SLC9C2: variants seen among roughly 807,000 people sequenced by gnomAD.
SLC9C2 encodes sodium/hydrogen exchanger 11.
Under a neutral mutation model 140.2 loss-of-function variants are expected in SLC9C2, and 75 were observed. That is an observed-to-expected ratio of 0.53 (90% CI 0.44 to 0.65). The LOEUF (loss-of-function observed/expected upper bound fraction) is 0.65. Among genes scored for constraint, SLC9C2 ranks in the 30% least tolerant of loss-of-function variants. The pLI is 0.00. For synonymous variants in SLC9C2, 375 were observed against 420.9 expected, an observed-to-expected ratio of 0.89 and a Z score of 1.34; for missense variants, 1,074 against 1,331.8, an observed-to-expected ratio of 0.81 and a Z score of 3.01.
At chr1:173,591,731 G>A (rs1301618654) in intron 4 of SLC9C2, among the ~76,000 whole-genome samples, 1 of 151,848 alleles carries the variant, frequency 6.6e-6, no homozygotes. Flanking sequence ...TTGTTTTCTT[G>A]TAAATTTGTC....
At chr1:173,567,539 A>G (rs1664553230) in intron 9 of SLC9C2, among the ~76,000 whole-genome samples, 1 of 151,922 alleles carries the variant, frequency 6.6e-6, no homozygotes, top group South Asian at 2.1e-4. Flanking sequence ...TTGTCAGTCT[A>G]TATGTATCTT....
intron 10 of SLC9C2, among the ~76,000 whole-genome samples, 165 bp from the exon 11 acceptor site, chr1:173,554,979 C>T (rs1379600784): frequency 7.2e-5 from 11 of 152,232 alleles, no homozygotes; most frequent in Admixed American, 2.0e-4. Flanking sequence ...GTTTTGTGGA[C>T]ATTGCCTGAA....
At position 173,534,721 on chromosome 1, in the gene SLC9C2, G is replaced by C. The variant is rs759822895; in HGVS notation, c.1776-39C>G. Reference sequence around the variant, plus strand: ...AAATAAAATGTTAGATCACTTAAAAGTATAATTAGCAGCTGAAGTTCAATA... The same window carrying C: ...AAATAAAATGTTAGATCACTTAAAACTATAATTAGCAGCTGAAGTTCAATA... On this transcript the variant is annotated intron_variant, in intron 15 of 27. Coordinates refer to ENST00000367714, the MANE Select transcript of SLC9C2 (RefSeq NM_178527.4). 3 of 1,355,450 alleles carry C rather than the reference G, an allele frequency of 2.2e-6. No individual in the cohort carries two copies. In the South Asian group the frequency reaches 4.7e-5, roughly 21 times the overall value. The allele number at this position is 1,355,450 out of a possible 1,614,324, so 84.0% of individuals were successfully genotyped here.
intron 3 of SLC9C2, 34 bp from the exon 4 acceptor site, chr1:173,598,066 G>T (rs1165674760): frequency 6.4e-7 from 1 of 1,555,064 alleles, no homozygotes; most frequent in African/African-American, 1.4e-5. Context: ...AAATTAGTTT[G>T]CTACCATTTC....
intron 10 of SLC9C2, among the ~76,000 whole-genome samples, chr1:173,556,914 T>C (rs1430587593): frequency 6.9e-6 from 1 of 145,522 alleles, no homozygotes; most frequent in Non-Finnish European, 1.5e-5. Flanking sequence ...GGTGACAGAG[T>C]GAAATCTTGT....
intron 7 of SLC9C2, among the ~76,000 whole-genome samples, chr1:173,579,104 G>A (rs1665366180): frequency 6.6e-6 from 1 of 152,050 alleles, no homozygotes; most frequent in African/African-American, 2.4e-5. Flanking sequence ...AAGCCTGAGG[G>A]GTTAATGCTA....
chr1:173,570,884 C>T (rs1322867578), intron 9 of SLC9C2, among the ~76,000 whole-genome samples: 2 of 152,126 alleles, frequency 1.3e-5, no homozygotes, highest in Admixed American at 6.5e-5. Flanking sequence ...TCTCTCTGCA[C>T]CACACAGCTG....
chr1:173,531,637 G>C, intron 17 of SLC9C2, among the ~76,000 whole-genome samples: 1 of 152,002 alleles, frequency 6.6e-6, no homozygotes, highest in East Asian at 1.9e-4. Flanking sequence ...TGTTTCCCTG[G>C]CAATGTATTT....
At chr1:173,599,144 A>C (rs1158307085) in intron 3 of SLC9C2, among the ~76,000 whole-genome samples, 2 of 151,460 alleles carry the variant, frequency 1.3e-5, no homozygotes, top group Non-Finnish European at 2.9e-5. Flanking sequence ...TTTGAGACGG[A>C]GTCTCGCTCT....
chr1:173,526,862 T>C, intron 18 of SLC9C2, 148 bp from the exon 19 acceptor site: 2 of 659,100 alleles, frequency 3.0e-6, no homozygotes, highest in Non-Finnish European at 5.0e-6. Context: ...TTTTTATTTT[T>C]TGAGACAGAG....
intron 22 of SLC9C2, among the ~76,000 whole-genome samples, chr1:173,518,529 T>C (rs563498393): frequency 2.6e-4 from 39 of 152,210 alleles, no homozygotes; most frequent in African/African-American, 9.1e-4. Context: ...AGGATGAACA[T>C]AGGATGGTTG....
chr1:173,549,697 C>T (rs2102064214), intron 11 of SLC9C2, among the ~76,000 whole-genome samples: 3 of 152,254 alleles, frequency 2.0e-5, no homozygotes, highest in East Asian at 3.9e-4. Context: ...AAATGTGTAC[C>T]ACATGGTATT....
At chr1:173,541,698 A>C (rs1662434584) in intron 13 of SLC9C2, among the ~76,000 whole-genome samples, 1 of 152,248 alleles carries the variant, frequency 6.6e-6, no homozygotes, top group Non-Finnish European at 1.5e-5. Context: ...ACTCAGGATT[A>C]AGAAAGTCAT....
chr1:173,558,298 C>G (rs1462390499), intron 9 of SLC9C2, among the ~76,000 whole-genome samples: 1 of 152,156 alleles, frequency 6.6e-6, no homozygotes, highest in Non-Finnish European at 1.5e-5. Context: ...GGGCAAACTC[C>G]TCTGCCTTGC....
intron 13 of SLC9C2, among the ~76,000 whole-genome samples, chr1:173,538,709 G>A (rs1342274967): frequency 1.3e-5 from 2 of 152,114 alleles, no homozygotes; most frequent in South Asian, 4.1e-4. Context: ...GTCGTGGGGC[G>A]AGCAGAGTGA....
chr1:173,577,813 T>A (rs1469603900), intron 7 of SLC9C2, among the ~76,000 whole-genome samples: 1 of 152,238 alleles, frequency 6.6e-6, no homozygotes, highest in Non-Finnish European at 1.5e-5. Flanking sequence ...GTTTATTAAT[T>A]TAAAGAGGAG....
chr1:173,530,495 T>C (rs572405565), intron 17 of SLC9C2, among the ~76,000 whole-genome samples: 30 of 152,266 alleles, frequency 2.0e-4, no homozygotes, highest in African/African-American at 7.0e-4. Context: ...AATAAAGAAC[T>C]TAGGGTATCT....
At chr1:173,554,885 A>G (rs1182165885) in intron 10 of SLC9C2, 71 bp from the exon 11 acceptor site, 4 of 891,054 alleles carry the variant, frequency 4.5e-6, no homozygotes, top group Non-Finnish European at 7.2e-6. Context: ...TCATTGTTCA[A>G]TTAGCCACTT....
intron 22 of SLC9C2, among the ~76,000 whole-genome samples, chr1:173,518,251 G>C (rs972140250): frequency 2.8e-5 from 4 of 142,174 alleles, no homozygotes; most frequent in African/African-American, 1.1e-4. Flanking sequence ...GACAAAGTGA[G>C]ACTCCATCTC....
Sources: gnomAD v4.1 joint callset for allele counts (sites outside exome capture counted in the v4.1 genomes callset) on GRCh38, gnomAD v4.1.1 for gene constraint, MANE v1.5 for transcripts, NCBI Gene and HGNC (gene_info 2026-07-23, HGNC 2026-07-21) for gene names.